Variants in RBFOX1 observed in about 807,000 individuals in gnomAD.
RBFOX1 encodes RNA binding fox-1 homolog 1.
A neutral mutation model predicts 57.7 loss-of-function variants in RBFOX1; 8 were observed. The ratio of observed to expected loss-of-function variants is 0.14; its 90% CI spans 0.08 to 0.25. The LOEUF is 0.25. RBFOX1 is among the 10% of genes least tolerant of loss of function. The pLI is 1.00. For synonymous variants in RBFOX1, 326 were observed against 222.4 expected, an observed-to-expected ratio of 1.47 and a Z score of -4.15; for missense variants, 611 against 548.5, an observed-to-expected ratio of 1.11 and a Z score of -1.14.
intron 11 of RBFOX1, among the ~76,000 whole-genome samples, chr16:7,645,640 T>A (rs1172195006): frequency 1.3e-5 from 2 of 152,232 alleles, no homozygotes; most frequent in Non-Finnish European, 2.9e-5. Context: ...AAAATTACTC[T>A]TCCATGTGGA....
At position 6,626,581 on chromosome 16, in the gene RBFOX1, G is replaced by A. The variant is rs540627591; in HGVS notation, c.-63-28022G>A. Among the ~76,000 whole-genome samples, 5 of 152,244 alleles carry A rather than the reference G, an allele frequency of 3.3e-5. No individual in the cohort carries two copies. In the South Asian group the frequency reaches 1.0e-3, roughly 32 times the overall value. The stretch of plus-strand genomic sequence containing the variant: ...TCGAGACCAGCCTGGCCAACATGGT[G>A]AAACCCTGTCTCTACTAAAAATACA... On this transcript the variant is annotated intron_variant, in intron 2 of 15. Coordinates refer to ENST00000550418, the MANE Select transcript of RBFOX1 (RefSeq NM_018723.4).
chr16:7,112,934 A>G (rs1003119376), intron 4 of RBFOX1, among the ~76,000 whole-genome samples: 2 of 152,208 alleles, frequency 1.3e-5, no homozygotes, highest in African/African-American at 2.4e-5. Context: ...ATGAAATCAG[A>G]AAGCATATCT....
At chr16:6,105,898 C>T (rs1278076937) in intron 1 of RBFOX1, among the ~76,000 whole-genome samples, 4 of 151,978 alleles carry the variant, frequency 2.6e-5, no homozygotes, top group Non-Finnish European at 4.4e-5. Flanking sequence ...ATTAAATATT[C>T]TTCAAAAAGA....
At chr16:5,549,222 G>C (rs986831369) in intron 2 of RBFOX1, among the ~76,000 whole-genome samples, 1 of 152,140 alleles carries the variant, frequency 6.6e-6, no homozygotes, top group Non-Finnish European at 1.5e-5. Flanking sequence ...GCTGAAATGC[G>C]GTCAGCATCT....
chr16:7,058,087 G>C (rs1010014450), intron 4 of RBFOX1, among the ~76,000 whole-genome samples: 2 of 151,328 alleles, frequency 1.3e-5, no homozygotes, highest in African/African-American at 2.4e-5. Context: ...CTGAACAAAG[G>C]ATCCTGGAAA....
rs147673245 is a variant in RBFOX1 at position 7,254,405 on chromosome 16, C to T, written c.27+202307C>T. ...TAGCACATTTCTTAGATTATCCAAG[C>T]TGGAATCTCCATTGCCAAGATATCA... On this transcript the variant is annotated intron_variant, in intron 4 of 15. Transcript: ENST00000550418. Among the ~76,000 whole-genome samples, 730 of 152,228 alleles carry T rather than the reference C, an allele frequency of 4.8e-3. 8 individuals carry two copies. Among genetic ancestry groups the T allele is most frequent in the African/African-American group, 0.017 (704 of 41,542 alleles).
At chr16:5,412,025 G>A (rs1373729638) in intron 1 of RBFOX1, among the ~76,000 whole-genome samples, 1 of 152,100 alleles carries the variant, frequency 6.6e-6, no homozygotes, top group African/African-American at 2.4e-5. Context: ...AGAGTCACGG[G>A]CAGTTTCTTT....
chr16:7,702,770 A>C (rs1396961824), intron 14 of RBFOX1, among the ~76,000 whole-genome samples: 1 of 152,194 alleles, frequency 6.6e-6, no homozygotes, highest in Non-Finnish European at 1.5e-5. Context: ...GTTCCTCCGG[A>C]TGGGCAAAAG....
chr16:5,995,841 G>A (rs1239407075), intron 4 of RBFOX1, among the ~76,000 whole-genome samples: 1 of 152,156 alleles, frequency 6.6e-6, no homozygotes, highest in African/African-American at 2.4e-5. Context: ...TTGGGCTACT[G>A]TAACAAAATA....
chr16:7,104,101 T>A (rs1298978648), intron 4 of RBFOX1, among the ~76,000 whole-genome samples: 1 of 152,186 alleles, frequency 6.6e-6, no homozygotes, highest in African/African-American at 2.4e-5. Context: ...GTCAGAATAG[T>A]AATTTAAGAA....
chr16:6,911,813 G>C (rs2071686913), intron 3 of RBFOX1, among the ~76,000 whole-genome samples: 1 of 151,976 alleles, frequency 6.6e-6, no homozygotes, highest in African/African-American at 2.4e-5. Context: ...TTCTTTTTCA[G>C]TAAATGAATT....
chr16:5,696,289 C>G (rs1445408784), intron 3 of RBFOX1, among the ~76,000 whole-genome samples: 1 of 152,146 alleles, frequency 6.6e-6, no homozygotes, highest in Non-Finnish European at 1.5e-5. Flanking sequence ...ATTTATGAAT[C>G]CATAGGCAAA....
intron 4 of RBFOX1, among the ~76,000 whole-genome samples, chr16:7,478,796 ATCTAG>A (rs970709871): frequency 3.9e-5 from 6 of 152,150 alleles, no homozygotes; most frequent in African/African-American, 1.4e-4. Flanking sequence ...AAATAAATGG[ATCTAG>A]TCTAGATGCC....
chr16:7,466,776 T>G (rs1305061032), intron 4 of RBFOX1, among the ~76,000 whole-genome samples: 2 of 152,212 alleles, frequency 1.3e-5, no homozygotes, highest in Non-Finnish European at 2.9e-5. Context: ...GGGAGTTATT[T>G]GATTAAACAA....
chr16:5,487,395 T>C (rs1442834507), intron 2 of RBFOX1, among the ~76,000 whole-genome samples: 1 of 152,170 alleles, frequency 6.6e-6, no homozygotes, highest in Non-Finnish European at 1.5e-5. Flanking sequence ...GAACCAAAGA[T>C]GATGTGAGAG....
chr16:6,653,852 A>G (rs76658108), intron 2 of RBFOX1, among the ~76,000 whole-genome samples: 2,348 of 151,224 alleles, frequency 0.016, 64 homozygotes, highest in African/African-American at 0.053. Flanking sequence ...GATTGGATAG[A>G]TGGGGATGGC....
At chr16:6,414,833 G>A (rs887689438) in intron 2 of RBFOX1, among the ~76,000 whole-genome samples, 1 of 152,172 alleles carries the variant, frequency 6.6e-6, no homozygotes, top group African/African-American at 2.4e-5. Flanking sequence ...AACTGGAAGA[G>A]GTTAGGGAGT....
At chr16:6,504,065 T>C (rs1472576856) in intron 2 of RBFOX1, among the ~76,000 whole-genome samples, 2 of 152,220 alleles carry the variant, frequency 1.3e-5, no homozygotes, top group East Asian at 1.9e-4. Flanking sequence ...ACTGATAATT[T>C]TGCTTTTTGG....
intron 3 of RBFOX1, among the ~76,000 whole-genome samples, chr16:6,868,834 A>G (rs138358556): frequency 4.3e-4 from 65 of 152,318 alleles, no homozygotes; most frequent in African/African-American, 1.5e-3. Context: ...GGGCTTTGCC[A>G]TATGACTTAC....
Sources: allele counts gnomAD v4.1 joint callset (sites outside exome capture counted in the v4.1 genomes callset), GRCh38; gene constraint gnomAD v4.1.1; transcripts MANE v1.5; gene names NCBI Gene and HGNC (gene_info 2026-07-23, HGNC 2026-07-21).